Variants in ROR1 observed in about 807,000 individuals in gnomAD.
ROR1 encodes the protein inactive tyrosine-protein kinase transmembrane receptor ROR1.
In ROR1, 19 loss-of-function variants were observed where a neutral mutation model predicts 78.8. The observed-to-expected ratio is 0.24, with a 90% confidence interval of 0.17 to 0.35. ROR1 has a LOEUF of 0.35. ROR1 is among the 10% of genes least tolerant of loss of function. The pLI, the probability that ROR1 is intolerant of heterozygous loss-of-function variation, is 1.00. For synonymous variants in ROR1, 386 were observed against 433.6 expected, an observed-to-expected ratio of 0.89 and a Z score of 1.36; for missense variants, 917 against 1,177.8, an observed-to-expected ratio of 0.78 and a Z score of 3.24.
chr1:63,786,628 G>GT (rs1414918516), intron 1 of ROR1, among the ~76,000 whole-genome samples: 1 of 150,228 alleles, frequency 6.7e-6, no homozygotes, highest in Non-Finnish European at 1.5e-5. Context: ...TTGTGTTGGG[G>GT]TTAAAACTAT....
chr1:63,861,697 A>G (rs1645183046), intron 1 of ROR1, among the ~76,000 whole-genome samples: 1 of 152,192 alleles, frequency 6.6e-6, no homozygotes, highest in Non-Finnish European at 1.5e-5. Flanking sequence ...GAAACATAGG[A>G]AATATGGTTT....
intron 4 of ROR1, among the ~76,000 whole-genome samples, chr1:64,095,634 A>G (rs3933252): frequency 0.034 from 5,162 of 152,264 alleles, 294 homozygotes; most frequent in African/African-American, 0.12. Flanking sequence ...ATTGAATTCT[A>G]TAGTTATCAT....
chr1:64,070,404 C>T (rs1341509026), intron 4 of ROR1, among the ~76,000 whole-genome samples: 1 of 152,162 alleles, frequency 6.6e-6, no homozygotes, highest in African/African-American at 2.4e-5. Flanking sequence ...TCATGGCTTA[C>T]TGCAGCCTGA....
At chr1:63,810,528 A>G (rs943342799) in intron 1 of ROR1, among the ~76,000 whole-genome samples, 1 of 152,244 alleles carries the variant, frequency 6.6e-6, no homozygotes, top group Non-Finnish European at 1.5e-5. Context: ...ATGTAATGCC[A>G]TAAGTGGTGT....
At chr1:64,107,217 C>A (rs552086934) in intron 4 of ROR1, among the ~76,000 whole-genome samples, 1 of 152,138 alleles carries the variant, frequency 6.6e-6, no homozygotes, top group African/African-American at 2.4e-5. Context: ...TTGTTGCCCC[C>A]ATTTTGCAGA....
intron 4 of ROR1, chr1:64,112,342 G>C (rs1648134707): frequency 6.6e-6 from 1 of 151,760 alleles, no homozygotes; most frequent in South Asian, 2.1e-4. Flanking sequence ...AAGCAGTAAA[G>C]GTATTATCTC....
At chr1:63,957,754 T>G (rs1645995527) in intron 1 of ROR1, among the ~76,000 whole-genome samples, 1 of 151,774 alleles carries the variant, frequency 6.6e-6, no homozygotes, top group African/African-American at 2.4e-5. Context: ...TGTTTTTTTT[T>G]TTTTTGGAGA....
At chr1:63,951,714 C>T (rs569277356) in intron 1 of ROR1, among the ~76,000 whole-genome samples, 5 of 152,140 alleles carry the variant, frequency 3.3e-5, no homozygotes, top group Non-Finnish European at 7.4e-5. Flanking sequence ...AGACACCCCC[C>T]CCTCACCACC....
intron 7 of ROR1, among the ~76,000 whole-genome samples, chr1:64,156,890 G>C (rs1305560523): frequency 6.6e-6 from 1 of 152,078 alleles, no homozygotes; most frequent in Non-Finnish European, 1.5e-5. Context: ...TAGCTAGAAT[G>C]GTGGGCAAAA....
rs1424304034 is a variant in ROR1 at position 64,159,077 on chromosome 1, T to C, written c.1271T>C (p.Phe424Ser). ...CTGGCCATTGCTTTACTCTTCTTCT[T>C]CATTTGCGTCTGTCGGAATAACCAG... Reference protein sequence around the residue: ...IPLAIALLFFFICVCRNNQKS... With the variant: ...IPLAIALLFFSICVCRNNQKS... The change falls in exon 8 of 9, where the codon TTC (phenylalanine) becomes TCC (serine). Residue 424 changes from phenylalanine to serine, a missense_variant. This residue lies in a region of ROR1 where 835 missense variants were observed against 1,069.8 expected (regional missense o/e 0.78). Transcript: ENST00000371079. 1 of 1,614,188 alleles carries C rather than the reference T, an allele frequency of 6.2e-7. No individual in the cohort carries two copies. The highest frequency in any genetic ancestry group is 8.5e-7 in the Non-Finnish European group (1 of 1,180,020).
intron 1 of ROR1, among the ~76,000 whole-genome samples, chr1:63,981,828 C>G (rs982583452): frequency 6.6e-6 from 1 of 152,036 alleles, no homozygotes; most frequent in Admixed American, 6.6e-5. Flanking sequence ...TACTCTGATA[C>G]TCTTCAAAGT....
chr1:64,056,491 A>G (rs1343183592), intron 4 of ROR1, among the ~76,000 whole-genome samples: 4 of 152,018 alleles, frequency 2.6e-5, no homozygotes, highest in African/African-American at 7.2e-5. Flanking sequence ...CCTGGCCAAC[A>G]TGGTGAAACC....
At chr1:64,176,882 T>C (rs546871878) in intron 8 of ROR1, among the ~76,000 whole-genome samples, 1 of 152,366 alleles carries the variant, frequency 6.6e-6, no homozygotes, top group Admixed American at 6.5e-5. Context: ...AGAATGTAAA[T>C]GGTTTCAGGA....
chr1:63,923,307 C>T (rs892414112), intron 1 of ROR1, among the ~76,000 whole-genome samples: 7 of 152,076 alleles, frequency 4.6e-5, no homozygotes, highest in Non-Finnish European at 7.3e-5. Context: ...ACACTGGAGA[C>T]GCAAGGTCCT....
intron 1 of ROR1, among the ~76,000 whole-genome samples, chr1:63,863,781 GTATT>G: frequency 1.4e-5 from 2 of 144,954 alleles, no homozygotes; most frequent in South Asian, 4.3e-4. Flanking sequence ...GTATTGTATT[GTATT>G]GTATTGTATT....
intron 1 of ROR1, among the ~76,000 whole-genome samples, chr1:63,930,273 C>T (rs541804502): frequency 6.6e-6 from 1 of 152,290 alleles, no homozygotes; most frequent in South Asian, 2.1e-4. Flanking sequence ...ATCTGTTCAA[C>T]AGTGGTCAGG....
At chr1:63,848,090 G>C (rs1399767924) in intron 1 of ROR1, among the ~76,000 whole-genome samples, 1 of 152,158 alleles carries the variant, frequency 6.6e-6, no homozygotes, top group Admixed American at 6.5e-5. Flanking sequence ...CTTACGGATT[G>C]ATTTATTTCT....
intron 1 of ROR1, among the ~76,000 whole-genome samples, chr1:63,952,515 G>C (rs186267202): frequency 5.3e-5 from 8 of 152,288 alleles, no homozygotes; most frequent in Admixed American, 2.0e-4. Flanking sequence ...AAGAAGGCCA[G>C]TGGCAGCCAC....
chr1:64,081,852 AT>A (rs1052709990), intron 4 of ROR1, among the ~76,000 whole-genome samples: 3 of 152,060 alleles, frequency 2.0e-5, no homozygotes, highest in African/African-American at 7.2e-5. Flanking sequence ...TATGATCTCA[AT>A]TCTATAAAAT....
Sources: allele counts gnomAD v4.1 joint callset (sites outside exome capture counted in the v4.1 genomes callset), GRCh38; gene constraint gnomAD v4.1.1; regional missense constraint gnomAD v4.1.1; transcripts MANE v1.5; gene names NCBI Gene and HGNC (gene_info 2026-07-23, HGNC 2026-07-21).